The following PLIN1 variants were observed in gnomAD, a reference collection of about 807,000 sequenced individuals.
PLIN1 encodes the protein perilipin-1.
A neutral mutation model predicts 45.8 loss-of-function variants in PLIN1; 37 were observed. The observed-to-expected ratio is 0.81, with a 90% CI of 0.62 to 1.06. The LOEUF (loss-of-function observed/expected upper bound fraction) is 1.06. PLIN1 is among the 50% of genes least tolerant of loss of function. The pLI is 0.00. For synonymous variants in PLIN1, 340 were observed against 309.2 expected (o/e 1.10, Z -1.05); for missense variants, 776 against 716.5 (o/e 1.08, Z -0.95).
intron 4 of PLIN1, among the ~76,000 whole-genome samples, chr15:89,670,666 A>G (rs1172424923): frequency 3.3e-5 from 5 of 152,082 alleles, no homozygotes; most frequent in African/African-American, 4.8e-5. Context: ...CTTTTTCTTC[A>G]TTATTCTGGG....
rs930173783 is a variant in PLIN1, at chr15:89,664,911, T to C, written c.*672A>G. On this transcript the variant is annotated 3_prime_UTR_variant, in exon 9 of 9. Coordinates refer to ENST00000300055, the MANE Select transcript of PLIN1 (RefSeq NM_002666.5). Reference sequence around the variant, plus strand: ...ACTATGCAGGTGAAGGCAGTAATGATGCAAATGGAAATGTGGCTGTGAGCA... The same window carrying C: ...ACTATGCAGGTGAAGGCAGTAATGACGCAAATGGAAATGTGGCTGTGAGCA... 5 of 455,928 alleles carry C rather than the reference T, an allele frequency of 1.1e-5. No homozygotes were observed. The highest frequency in any genetic ancestry group is 6.0e-5 in the African/African-American group (3 of 50,060). The allele number at this position is 455,928 out of a possible 1,614,324, so 28.2% of individuals were successfully genotyped here. A position where few individuals can be genotyped will look rare whatever the true frequency, so the allele number is the denominator to read the frequency against.
intron 2 of PLIN1, among the ~76,000 whole-genome samples, chr15:89,676,325 G>A (rs1409578770): frequency 1.3e-5 from 2 of 152,250 alleles, no homozygotes; most frequent in African/African-American, 4.8e-5. Flanking sequence ...TCAGCTCACT[G>A]CAAGCTCTGC....
chr15:89,666,870 A>G, intron 8 of PLIN1, 66 bp downstream of exon 8: 1 of 1,594,124 alleles, frequency 6.3e-7, no homozygotes, highest in Non-Finnish European at 8.6e-7. Flanking sequence ...CTTCAGTCAA[A>G]TCTACTTTAT....
chr15:89,672,452 A>C (rs747232084), intron 3 of PLIN1, among the ~76,000 whole-genome samples: 3 of 152,202 alleles, frequency 2.0e-5, no homozygotes, highest in Non-Finnish European at 4.4e-5. Context: ...AGACTCAAGG[A>C]AACTATTTAA....
At chr15:89,673,739 A>G (rs532964998) in intron 2 of PLIN1, among the ~76,000 whole-genome samples, 9 of 151,648 alleles carry the variant, frequency 5.9e-5, no homozygotes, top group Non-Finnish European at 1.2e-4. Context: ...ACCTACTGGT[A>G]GAGAGCAAGT....
At chr15:89,677,608 G>A (rs1964538499) in intron 1 of PLIN1, 105 bp from the exon 2 acceptor site, 5 of 923,892 alleles carry the variant, frequency 5.4e-6, no homozygotes, top group East Asian at 2.4e-5. Context: ...GCTGCCTGGG[G>A]GCCCATTTGC....
In PLIN1 at chr15:89,673,211, C is replaced by T; in HGVS notation, c.249G>A (p.Gln83=). Residue 83 remains glutamine (Q), a splice_region_variant and synonymous_variant, in exon 3 of 9, where the codon CAG becomes CAA. Coordinates refer to ENST00000300055, the MANE Select transcript of PLIN1 (RefSeq NM_002666.5). ...MEPVVRRLST[Q]FTAANELACR... ...CTGCTGAGCGCCGCAAGGACTCACA[C>T]TGGGTGGACAGCCTGCGGACCACCG... 6.4e-7 allele frequency: 1 copy of T among 1,561,928 alleles called. No individual in the cohort carries two copies. The highest frequency in any genetic ancestry group is 2.4e-5 in the East Asian group (1 of 41,878).
rs753129770 is a variant in PLIN1 at position 89,669,501 on chromosome 15, A to G, written c.770T>C (p.Leu257Pro). 1.9e-6 allele frequency: 3 copies of G among 1,611,102 alleles called. No homozygotes were observed. The African/African-American group carries it at 4.0e-5, about 22-fold the overall frequency. The change falls in exon 6 of 9, where the codon CTG becomes CCG. Residue 257 changes from leucine (L) to proline (P), a missense_variant and splice_region_variant. Coordinates refer to ENST00000300055, the MANE Select transcript of PLIN1 (RefSeq NM_002666.5). ...TCAGAGCTCACGGCAGATACTTACC[A>G]GGGGCACCACGCCTGGGATCCACAT... is the stretch of plus-strand genomic sequence containing the variant. ...VAMWIPGVVP[L>P]SSLAQWGASV...
chr15:89,677,120 G>T, intron 2 of PLIN1: 1 of 424,596 alleles, frequency 2.4e-6, no homozygotes, highest in Non-Finnish European at 4.4e-6. Context: ...CATCCAGCTG[G>T]GTGGTGGACA....
intron 5 of PLIN1, 76 bp downstream of exon 5, chr15:89,669,904 T>G: frequency 5.4e-6 from 8 of 1,483,050 alleles, no homozygotes; most frequent in South Asian, 2.4e-5. Flanking sequence ...AGTGGCTGGT[T>G]GAGCCACCTC....
intron 1 of PLIN1, among the ~76,000 whole-genome samples, chr15:89,678,231 C>T (rs542056901): frequency 3.6e-4 from 55 of 151,944 alleles, no homozygotes; most frequent in Non-Finnish European, 7.1e-4. Context: ...GTTAAGAGGC[C>T]AGGCGCGGTG....
intron 3 of PLIN1, among the ~76,000 whole-genome samples, chr15:89,672,441 G>A (rs1311031218): frequency 6.6e-6 from 1 of 152,232 alleles, no homozygotes; most frequent in Non-Finnish European, 1.5e-5. Flanking sequence ...TGGGCAGAAT[G>A]AGACTCAAGG....
intron 1 of PLIN1, chr15:89,677,758 T>C (rs1964540891): frequency 6.3e-6 from 3 of 477,128 alleles, no homozygotes; most frequent in Non-Finnish European, 7.6e-6. Flanking sequence ...TCTTTCTTTT[T>C]TTTTTTTTTT....
chr15:89,665,912 T>A lies in PLIN1; in HGVS notation c.1240A>T (p.Ser414Cys). The stretch of plus-strand genomic sequence containing the variant: ...GGGTTGTCGATGTCCCGGAATTCGC[T>A]CTCGGGCTCCATCAGCGACAGCCTG... ...LPRLSLMEPE[S>C]EFRDIDNPPA... Residue 414 changes from serine (S) to cysteine (C), a missense_variant, in exon 9 of 9, where the codon AGC becomes TGC. Transcript: ENST00000300055. The A allele has an allele frequency of 1.3e-6, 2 of 1,535,126 alleles. No homozygotes were observed. The highest frequency in any genetic ancestry group is 2.4e-5 in the South Asian group (2 of 83,110).
chr15:89,676,406 C>T (rs1350026835), intron 2 of PLIN1, among the ~76,000 whole-genome samples: 1 of 152,110 alleles, frequency 6.6e-6, no homozygotes, highest in African/African-American at 2.4e-5. Flanking sequence ...CGCCACCATA[C>T]CCCGCTGATT....
intron 4 of PLIN1, among the ~76,000 whole-genome samples, chr15:89,670,518 G>T (rs547321517): frequency 6.6e-6 from 1 of 152,252 alleles, no homozygotes; most frequent in African/African-American, 2.4e-5. Flanking sequence ...GACCCCAAAG[G>T]CTCGTCCTTG....
intron 2 of PLIN1, among the ~76,000 whole-genome samples, chr15:89,676,347 A>G (rs1476249058): frequency 6.6e-6 from 1 of 152,186 alleles, no homozygotes; most frequent in Non-Finnish European, 1.5e-5. Context: ...TCCTGGGTTC[A>G]TGCCATTCTC....
At position 89,665,915 on chromosome 15, in the gene PLIN1, C is replaced by A. The variant is rs867311523; in HGVS notation, c.1237G>T (p.Glu413Ter). 1 of 1,534,700 alleles carries A rather than the reference C, an allele frequency of 6.5e-7. No homozygotes were observed. Among genetic ancestry groups the A allele is most frequent in the Non-Finnish European group, 8.7e-7 (1 of 1,149,514 alleles). Reference protein sequence around the residue: ...PLPRLSLMEPESEFRDIDNPP... With the variant: ...PLPRLSLMEP ...TTGTCGATGTCCCGGAATTCGCTCT[C>A]GGGCTCCATCAGCGACAGCCTGGGG... Residue 413 changes from glutamate (E) to a stop codon, truncating the protein, a stop_gained, in exon 9 of 9, where the codon GAG becomes TAG. Transcript: ENST00000300055. LOFTEE classifies it low-confidence loss of function (END_TRUNC).
At chr15:89,671,337 G>A (rs543105027) in intron 4 of PLIN1, 145 bp downstream of exon 4, 2 of 658,590 alleles carry the variant, frequency 3.0e-6, no homozygotes, top group Admixed American at 4.8e-5. Context: ...GTGGCCTTGG[G>A]AGCAGGCACT....
Sources: allele counts gnomAD v4.1 joint callset (sites outside exome capture counted in the v4.1 genomes callset), GRCh38; gene constraint gnomAD v4.1.1; transcripts MANE v1.5; gene names NCBI Gene and HGNC (gene_info 2026-07-23, HGNC 2026-07-21).